The following ARFGEF3 variants were observed in gnomAD, a reference collection of about 807,000 sequenced individuals.
ARFGEF3 encodes the protein brefeldin A-inhibited guanine nucleotide-exchange protein 3.
A neutral mutation model predicts 221.7 loss-of-function variants in ARFGEF3; 96 were observed. That is an observed-to-expected ratio of 0.43 (90% confidence interval 0.37 to 0.51). The LOEUF (loss-of-function observed/expected upper bound fraction) is 0.51, where lower values mean the gene tolerates loss of function less well. ARFGEF3 is among the 20% of genes least tolerant of loss of function. ARFGEF3 has a pLI of 0.00. For synonymous variants in ARFGEF3, 1,145 were observed against 1,126.8 expected (o/e 1.02, Z -0.32); for missense variants, 2,410 against 2,789.9 (o/e 0.86, Z 3.07).
At chr6:138,287,335 A>G (rs1243836675) in intron 17 of ARFGEF3, among the ~76,000 whole-genome samples, 151 bp downstream of exon 17, 1 of 152,226 alleles carries the variant, frequency 6.6e-6, no homozygotes, top group Non-Finnish European at 1.5e-5. Flanking sequence ...CCATTGAGCC[A>G]CAGGCTTGGG....
chr6:138,243,059 T>C (rs1291063924), intron 7 of ARFGEF3, 65 bp downstream of exon 7: 1 of 1,259,028 alleles, frequency 7.9e-7, no homozygotes, highest in South Asian at 1.2e-5. Context: ...ACTGTGTGCT[T>C]GGAGTGAGGG....
intron 12 of ARFGEF3, among the ~76,000 whole-genome samples, chr6:138,270,366 A>G (rs1778980413): frequency 6.6e-6 from 1 of 151,508 alleles, no homozygotes; most frequent in Non-Finnish European, 1.5e-5. Context: ...AATGAAACCA[A>G]TTTTCAGGAG....
rs963042575 is a variant in ARFGEF3, at chr6:138,298,846, G to A, written c.3828+61G>A. 2.0e-5 allele frequency: 25 copies of A among 1,276,200 alleles called. No homozygotes were observed. In the East Asian group the frequency reaches 2.6e-4, roughly 13 times the overall value. The allele number at this position is 1,276,200 out of a possible 1,614,324, so 79.1% of individuals were successfully genotyped here. ...TCTTACTGAGTGCAGTGGCAGGCAC[G>A]GTTCTATGAGCTTCGCACACTTACT... is the stretch of plus-strand genomic sequence containing the variant. On this transcript the variant is annotated intron_variant, in intron 22 of 33. Transcript: ENST00000251691.
intron 12 of ARFGEF3, among the ~76,000 whole-genome samples, chr6:138,265,105 G>A (rs530749394): frequency 1.8e-4 from 28 of 152,102 alleles, no homozygotes; most frequent in South Asian, 1.2e-3. Flanking sequence ...GGGTTTCGCT[G>A]TGTTAGCCAG....
At chr6:138,326,871 A>G (rs1398235625) in intron 31 of ARFGEF3, among the ~76,000 whole-genome samples, 2 of 152,226 alleles carry the variant, frequency 1.3e-5, no homozygotes, top group Non-Finnish European at 2.9e-5. Flanking sequence ...CAATGCCCAT[A>G]AATGATAAAC....
rs1349766699 is a variant in ARFGEF3 at position 138,344,142 on chromosome 6, T to C, written c.*7656T>C. 6.6e-6 allele frequency: 1 copy of C among 152,216 alleles called. No homozygotes were observed. Among genetic ancestry groups the C allele is most frequent in the East Asian group, 1.9e-4 (1 of 5,198 alleles). 9.4% of individuals were successfully genotyped at this position (152,216 alleles called of 1,614,324 possible). ...CTCTAGATAAAGCCAGTGGGTGGTA[T>C]GGGTCCTTTTATTCCTTATAGTATT... is the stretch of plus-strand genomic sequence containing the variant. On this transcript the variant is annotated 3_prime_UTR_variant, in exon 34 of 34. Coordinates refer to ENST00000251691, the MANE Select transcript of ARFGEF3 (RefSeq NM_020340.5).
intron 4 of ARFGEF3, chr6:138,218,620 T>C: frequency 1.2e-6 from 1 of 823,654 alleles, no homozygotes; most frequent in East Asian, 3.4e-5. Context: ...GTAATTATTG[T>C]TTCAGATGTA....
chr6:138,221,309 A>C (rs1777979302), intron 4 of ARFGEF3, among the ~76,000 whole-genome samples: 1 of 152,228 alleles, frequency 6.6e-6, no homozygotes, highest in Admixed American at 6.5e-5. Context: ...AAGGTGGGGA[A>C]ATAGATTCTG....
intron 24 of ARFGEF3, among the ~76,000 whole-genome samples, chr6:138,309,223 T>C (rs1218788165): frequency 6.6e-6 from 1 of 152,200 alleles, no homozygotes; most frequent in African/African-American, 2.4e-5. Context: ...AAATTTTAAG[T>C]TTCTTCTAAA....
At chr6:138,250,522 T>A (rs1778560556) in intron 8 of ARFGEF3, among the ~76,000 whole-genome samples, 1 of 152,220 alleles carries the variant, frequency 6.6e-6, no homozygotes, top group Non-Finnish European at 1.5e-5. Context: ...TTTCACTCCT[T>A]ACACACTTAA....
intron 29 of ARFGEF3, among the ~76,000 whole-genome samples, chr6:138,321,886 T>G (rs536658343): frequency 6.6e-6 from 1 of 150,600 alleles, no homozygotes; most frequent in South Asian, 2.1e-4. Flanking sequence ...AAAAAGAGCT[T>G]TAATGGACTT....
Position 138,335,064 on chromosome 6 carries a change from A to G in ARFGEF3, c.6218A>G (p.Gln2073Arg), listed in dbSNP as rs772458834. ...LLQRPQHLMD[Q>R]GQMRHSFSAG... Reference sequence around the variant, plus strand: ...CAGCGTCCCCAGCACTTGATGGACCAAGGGCAAATGCGGCATTCCTTCAGC... The same window carrying G: ...CAGCGTCCCCAGCACTTGATGGACCGAGGGCAAATGCGGCATTCCTTCAGC... The change falls in exon 33 of 34, where the codon CAA becomes CGA. Residue 2073 changes from glutamine (Q) to arginine (R), a missense_variant. This residue lies in a region of ARFGEF3 where 339 missense variants were observed against 334.9 expected (regional missense o/e 1.01). Transcript: ENST00000251691. 6.3e-7 allele frequency: 1 copy of G among 1,599,968 alleles called. No individual in the cohort carries two copies. The highest frequency in any genetic ancestry group is 8.5e-7 in the Non-Finnish European group (1 of 1,174,020).
Position 138,162,242 on chromosome 6 carries a change from G to C in ARFGEF3, c.85+71G>C. On this transcript the variant is annotated intron_variant, in intron 1 of 33. Transcript: ENST00000251691. The surrounding 1 kb of genome is among the most constrained non-coding windows in gnomAD (Gnocchi z 4.7). ...CGGGGCTGAACCCGCGCCTCCGCGC[G>C]TGGGGCTTTCGCGGAGCGTCGGTCA... 2.6e-6 allele frequency: 3 copies of C among 1,171,998 alleles called. No individual in the cohort carries two copies. The highest frequency in any genetic ancestry group is 3.6e-6 in the Non-Finnish European group (3 of 832,240). 72.6% of individuals were successfully genotyped at this position (1,171,998 alleles called of 1,614,324 possible).
chr6:138,238,887 T>C (rs549617981), intron 6 of ARFGEF3, among the ~76,000 whole-genome samples: 2 of 152,272 alleles, frequency 1.3e-5, no homozygotes, highest in East Asian at 3.9e-4. Flanking sequence ...TTAATCATTG[T>C]TTTAAAACTT....
rs1362995549 is a variant in ARFGEF3 at position 138,342,879 on chromosome 6, G to T, written c.*6393G>T. On this transcript the variant is annotated 3_prime_UTR_variant, in exon 34 of 34. Coordinates refer to ENST00000251691, the MANE Select transcript of ARFGEF3 (RefSeq NM_020340.5). ...TTTTAATTTCATATATATCTGTAAA[G>T]AGTCTACCCAAAGGCTTCACGGAAA... 3.9e-5 allele frequency: 6 copies of T among 152,136 alleles called. No individual in the cohort carries two copies. The highest frequency in any genetic ancestry group is 3.9e-4 in the Admixed American group (6 of 15,272). 9.4% of individuals were successfully genotyped at this position (152,136 alleles called of 1,614,324 possible).
At chr6:138,301,115 T>G (rs551280357) in intron 22 of ARFGEF3, among the ~76,000 whole-genome samples, 1 of 152,186 alleles carries the variant, frequency 6.6e-6, no homozygotes, top group Non-Finnish European at 1.5e-5. Context: ...TAAATGTGTT[T>G]AGGAAGCTTA....
chr6:138,255,666 G>T lies in ARFGEF3; in HGVS notation c.1001G>T (p.Gly334Val). ...YIAAELVRLV[G>V]SVDSMKPVLQ... The stretch of plus-strand genomic sequence containing the variant: ...GCAGCCGAGCTGGTCCGGCTGGTGG[G>T]GTCTGTGGACTCCATGAAGCCCGTG... Residue 334 changes from glycine to valine, a missense_variant, in exon 10 of 34, where the codon GGG becomes GTG. By Grantham distance (109) the Gly-to-Val change is moderately radical. This residue lies in a region of ARFGEF3 where 570 missense variants were observed against 586.9 expected (regional missense o/e 0.97). Coordinates refer to ENST00000251691, the MANE Select transcript of ARFGEF3 (RefSeq NM_020340.5). 8 of 1,613,594 alleles carry T rather than the reference G, an allele frequency of 5.0e-6. No homozygotes were observed. The highest frequency in any genetic ancestry group is 6.8e-6 in the Non-Finnish European group (8 of 1,179,768).
At chr6:138,286,671 G>T in intron 15 of ARFGEF3, 30 bp from the exon 16 acceptor site, 1 of 1,605,250 alleles carries the variant, frequency 6.2e-7, no homozygotes, top group South Asian at 1.1e-5. Flanking sequence ...TTTGTCTCTA[G>T]AAAATGACAC....
intron 26 of ARFGEF3, among the ~76,000 whole-genome samples, chr6:138,315,389 T>C (rs1779905141): frequency 6.6e-6 from 1 of 152,180 alleles, no homozygotes. Context: ...ACATCTAGAA[T>C]TGGATATCAT....
Sources: gnomAD v4.1 joint callset for allele counts (sites outside exome capture counted in the v4.1 genomes callset) on GRCh38, gnomAD v4.1.1 for gene constraint, gnomAD v4.1.1 regional missense constraint, Gnocchi (gnomAD v3.1) non-coding constraint, MANE v1.5 for transcripts, NCBI Gene and HGNC (gene_info 2026-07-23, HGNC 2026-07-21) for gene names.